The following SGCZ variants were observed in gnomAD, a reference collection of about 807,000 sequenced individuals.
The protein encoded by SGCZ is sarcoglycan zeta.
In SGCZ, 40 loss-of-function variants were observed where a neutral mutation model predicts 41.3. The observed-to-expected ratio is 0.97, with a 90% CI of 0.75 to 1.26. The LOEUF (loss-of-function observed/expected upper bound fraction) is 1.26, where lower values mean the gene tolerates loss of function less well. SGCZ is among the 50% of genes most tolerant of loss of function. The probability of loss-of-function intolerance (pLI) is 0.00; values close to 1 mark genes in which losing one functional copy is unlikely to be tolerated. For synonymous variants in SGCZ, 206 were observed against 137.5 expected (o/e 1.50, Z -3.49); for missense variants, 552 against 369.8 (o/e 1.49, Z -4.04).
intron 1 of SGCZ, among the ~76,000 whole-genome samples, chr8:15,198,852 C>T (rs573253867): frequency 4.6e-5 from 7 of 152,240 alleles, no homozygotes; most frequent in East Asian, 3.9e-4. Context: ...TACCTTCCTG[C>T]GCTTTCTTGT....
At chr8:15,084,589 T>C (rs1585546907) in intron 1 of SGCZ, among the ~76,000 whole-genome samples, 1 of 152,052 alleles carries the variant, frequency 6.6e-6, no homozygotes, top group Non-Finnish European at 1.5e-5. Flanking sequence ...CTGTCTCCAC[T>C]AAAAATACAA....
At chr8:15,004,788 T>G (rs1214879267) in intron 1 of SGCZ, among the ~76,000 whole-genome samples, 1 of 152,080 alleles carries the variant, frequency 6.6e-6, no homozygotes, top group Non-Finnish European at 1.5e-5. Flanking sequence ...ACTAGTAAAT[T>G]GTAAAGAGAG....
At chr8:14,296,170 G>C (rs1801005612) in intron 3 of SGCZ, among the ~76,000 whole-genome samples, 1 of 152,088 alleles carries the variant, frequency 6.6e-6, no homozygotes, top group Non-Finnish European at 1.5e-5. Flanking sequence ...TATCTGATCT[G>C]GCAGGAGACT....
chr8:14,595,206 T>C (rs1805369229), intron 1 of SGCZ, among the ~76,000 whole-genome samples: 1 of 152,198 alleles, frequency 6.6e-6, no homozygotes, highest in African/African-American at 2.4e-5. Flanking sequence ...TGTCATCCAC[T>C]ACTCTTTATG....
rs576973248 is a variant in SGCZ at position 15,185,409 on chromosome 8, G to T, written c.39+52176C>A. On this transcript the variant is annotated intron_variant, in intron 1 of 7. Coordinates refer to ENST00000382080, the MANE Select transcript of SGCZ (RefSeq NM_139167.4). ...CTGCTGCATCAGAAAAATATACCGT[G>T]TTCACCATGAAGTTTTAAGTACTCA... 1.6e-4 allele frequency among the ~76,000 whole-genome samples: 24 copies of T among 152,258 alleles called. No homozygotes were observed. The East Asian group carries it at 4.2e-3, about 27-fold the overall frequency.
chr8:14,264,380 G>T (rs1368477786), intron 3 of SGCZ, among the ~76,000 whole-genome samples: 2 of 152,198 alleles, frequency 1.3e-5, no homozygotes, highest in East Asian at 3.9e-4. Flanking sequence ...CTCACTCTAG[G>T]CTGGTTACTG....
At chr8:14,376,528 G>T (rs1804137240) in intron 2 of SGCZ, among the ~76,000 whole-genome samples, 1 of 151,988 alleles carries the variant, frequency 6.6e-6, no homozygotes. Context: ...AACTTATACA[G>T]AAGAAATAGA....
chr8:15,058,223 A>G (rs2131005702), intron 1 of SGCZ, among the ~76,000 whole-genome samples: 1 of 152,326 alleles, frequency 6.6e-6, no homozygotes, highest in East Asian at 1.9e-4. Context: ...GGGTGGAACC[A>G]TAGCTCATGT....
intron 1 of SGCZ, among the ~76,000 whole-genome samples, chr8:14,970,533 T>C (rs79676688): frequency 0.024 from 3,704 of 152,288 alleles, 161 homozygotes; most frequent in African/African-American, 0.084. Flanking sequence ...TATGAATAGC[T>C]AGTAATTCCA....
chr8:14,816,412 G>A (rs1007317722), intron 1 of SGCZ, among the ~76,000 whole-genome samples: 1 of 152,148 alleles, frequency 6.6e-6, no homozygotes, highest in Admixed American at 6.5e-5. Flanking sequence ...AGACTTCACT[G>A]GTTAGTCAGA....
At chr8:14,465,496 A>G (rs567608936) in intron 2 of SGCZ, among the ~76,000 whole-genome samples, 1 of 151,892 alleles carries the variant, frequency 6.6e-6, no homozygotes, top group East Asian at 1.9e-4. Context: ...TGTACATTTA[A>G]GTAATTACTG....
chr8:14,309,970 A>T (rs1015277405), intron 3 of SGCZ, among the ~76,000 whole-genome samples: 1 of 152,082 alleles, frequency 6.6e-6, no homozygotes, highest in African/African-American at 2.4e-5. Flanking sequence ...TAGAATTACC[A>T]TTAATTACAT....
intron 2 of SGCZ, among the ~76,000 whole-genome samples, chr8:14,370,729 A>C (rs9692701): frequency 0.069 from 10,518 of 151,988 alleles, 1,104 homozygotes; most frequent in African/African-American, 0.23. Flanking sequence ...TTTCTGTCTA[A>C]TGAGTAAGCA....
intron 5 of SGCZ, among the ~76,000 whole-genome samples, chr8:14,146,926 G>C (rs373263163): frequency 6.8e-6 from 1 of 147,166 alleles, no homozygotes; most frequent in Non-Finnish European, 1.5e-5. Context: ...ACTTTTCCAA[G>C]ACATAGTCAG....
chr8:14,275,501 CTGTT>C lies in SGCZ; in HGVS notation c.337-37826_337-37823del, dbSNP rs1343423958. ...TCAAAGGGAGGCATATTCCCTTTCT[CTGTT>C]TGATCACTCAGCACTTCTACTCTTC... On this transcript the variant is annotated intron_variant, in intron 3 of 7. Coordinates refer to ENST00000382080, the MANE Select transcript of SGCZ (RefSeq NM_139167.4). 4.6e-5 allele frequency among the ~76,000 whole-genome samples: 7 copies of C among 152,118 alleles called. No homozygotes were observed. In the East Asian group the frequency reaches 1.2e-3, roughly 25 times the overall value.
intron 1 of SGCZ, among the ~76,000 whole-genome samples, chr8:14,841,110 A>G (rs1802893091): frequency 6.7e-6 from 1 of 148,754 alleles, no homozygotes. Flanking sequence ...TTTGAGAAGA[A>G]CAAAAAAAAA....
At chr8:15,194,170 G>A (rs1800635619) in intron 1 of SGCZ, among the ~76,000 whole-genome samples, 2 of 146,422 alleles carry the variant, frequency 1.4e-5, no homozygotes, top group African/African-American at 2.5e-5. Flanking sequence ...AATAGTCCTC[G>A]TGTCCCACCT....
chr8:14,651,281 A>G (rs555979872), intron 1 of SGCZ, among the ~76,000 whole-genome samples: 35 of 152,120 alleles, frequency 2.3e-4, no homozygotes, highest in Non-Finnish European at 3.5e-4. Context: ...AAACATTAAG[A>G]GGGCATTTTA....
At chr8:14,441,858 G>C (rs1585518368) in intron 2 of SGCZ, among the ~76,000 whole-genome samples, 2 of 152,166 alleles carry the variant, frequency 1.3e-5, no homozygotes, top group South Asian at 2.1e-4. Context: ...ATTCTGACCT[G>C]ACACTGAGAA....
Sources: gnomAD v4.1 joint callset for allele counts (sites outside exome capture counted in the v4.1 genomes callset) on GRCh38, gnomAD v4.1.1 for gene constraint, MANE v1.5 for transcripts, NCBI Gene and HGNC (gene_info 2026-07-23, HGNC 2026-07-21) for gene names.